The following ZNF729 variants were observed in gnomAD, a reference collection of about 807,000 sequenced individuals.
ZNF729 encodes the protein zinc finger protein 729.
Under a neutral mutation model 12.2 loss-of-function variants are expected in ZNF729, and 15 were observed. That is an observed-to-expected ratio of 1.23 (90% confidence interval 0.82 to 1.89). ZNF729 has a LOEUF of 1.89. Among genes scored for constraint, ZNF729 ranks in the 40% most tolerant of loss-of-function variants. The pLI, the probability that ZNF729 is intolerant of heterozygous loss-of-function variation, is 0.00. For missense variants in ZNF729, 1,540 were observed against 1,456.7 expected (o/e 1.06, Z -0.93); for synonymous variants, 492 against 476.3 (o/e 1.03, Z -0.43).
chr19:22,297,718 G>C (rs955737988), intron 1 of ZNF729, among the ~76,000 whole-genome samples: 9 of 151,502 alleles, frequency 5.9e-5, no homozygotes, highest in Non-Finnish European at 8.8e-5. Context: ...TTAAGAACAC[G>C]TAAGGCTGGG....
chr19:22,304,846 A>G (rs1341977256), intron 3 of ZNF729, 63 bp downstream of exon 3: 60 of 1,509,210 alleles, frequency 4.0e-5, no homozygotes, highest in Non-Finnish European at 1.2e-5. Context: ...GGAGAAAGCC[A>G]GTTCTCAAAA....
In ZNF729 at chr19:22,310,410, A is replaced by T. The variant is rs1196406279; in HGVS notation, c.254-3261A>T. On this transcript the variant is annotated intron_variant, in intron 3 of 3. Coordinates refer to ENST00000601693, the MANE Select transcript of ZNF729 (RefSeq NM_001242680.2). ...ATTTTGCTAAGAGTTTTAATCATAA[A>T]GGGATGTTGGATTTTGTTGAATACT... Among the ~76,000 whole-genome samples the T allele has an allele frequency of 3.3e-5, 5 of 152,110 alleles. 1 individual carries two copies. The highest frequency in any genetic ancestry group is 3.3e-4 in the Admixed American group (5 of 15,256).
chr19:22,301,776 C>A (rs1431613055), intron 1 of ZNF729, among the ~76,000 whole-genome samples: 1 of 152,308 alleles, frequency 6.6e-6, no homozygotes, highest in Non-Finnish European at 1.5e-5. Context: ...ATCAAGGCCA[C>A]AGAGTAACCA....
In ZNF729 at chr19:22,315,761, GC is replaced by G. The variant is rs750228617; in HGVS notation, c.2347del (p.Met784Ter). The G allele has an allele frequency of 3.3e-4, 530 of 1,607,870 alleles. 3 individuals carry two copies. Among genetic ancestry groups the G allele is most frequent in the Non-Finnish European group, 3.5e-4 (415 of 1,178,884 alleles). ...ECVKAFNSFS[A>X]LMKHKVIHTG... ...TGTCAAAGCTTTTAACAGTTTCTCA[GC>G]CCTTATGAAACATAAGGTAATTCAT... On this transcript the variant is annotated frameshift_variant, in exon 4 of 4. Coordinates refer to ENST00000601693, the MANE Select transcript of ZNF729 (RefSeq NM_001242680.2). LOFTEE classifies it low-confidence loss of function (END_TRUNC).
At chr19:22,297,164 AG>A (rs1968238885) in intron 1 of ZNF729, among the ~76,000 whole-genome samples, 1 of 152,180 alleles carries the variant, frequency 6.6e-6, no homozygotes, top group African/African-American at 2.4e-5. Context: ...TCTGTCTAAT[AG>A]TATCTGTGAG....
chr19:22,308,962 T>C (rs1307550391), intron 3 of ZNF729, among the ~76,000 whole-genome samples: 1 of 152,212 alleles, frequency 6.6e-6, no homozygotes, highest in South Asian at 2.1e-4. Flanking sequence ...TGGGTTCTTG[T>C]ATATGAAATC....
chr19:22,303,789 A>T lies in ZNF729; in HGVS notation c.62A>T (p.Glu21Val). 6.4e-7 allele frequency: 1 copy of T among 1,573,808 alleles called. No individual in the cohort carries two copies. Among genetic ancestry groups the T allele is most frequent in the Non-Finnish European group, 8.7e-7 (1 of 1,154,898 alleles). ...TTGACATTTAGAGATGTGACCATAG[A>T]ATTCTCTCTGGAGGAGTGGCAATGC... ...GPLTFRDVTI[E>V]FSLEEWQCLD... The change falls in exon 2 of 4, where the codon GAA becomes GTA. Residue 21 changes from glutamate (E) to valine (V), a missense_variant. Physicochemically the swap from Glu to Val is moderately radical, Grantham distance 121. Transcript: ENST00000601693.
At chr19:22,291,214 GGGT>G (rs1473186289) in intron 1 of ZNF729, among the ~76,000 whole-genome samples, 1 of 152,094 alleles carries the variant, frequency 6.6e-6, no homozygotes, top group Non-Finnish European at 1.5e-5. Flanking sequence ...ATGGATCTCT[GGGT>G]GTCTGGGAAT....
In ZNF729 at chr19:22,315,466, G is replaced by A. The variant is rs199959947; in HGVS notation, c.2049G>A (p.Pro683=). The A allele has an allele frequency of 1.6e-4, 251 of 1,604,044 alleles. 1 individual carries two copies. The highest frequency in any genetic ancestry group is 1.9e-4 in the Non-Finnish European group (224 of 1,175,668). ...RHKIIHTGKK[P]YKCEECGKAF... The stretch of plus-strand genomic sequence containing the variant: ...AGATAATTCATACTGGAAAGAAACC[G>A]TACAAATGTGAAGAATGTGGCAAAG... Residue 683 remains proline (P), a synonymous_variant, in exon 4 of 4, where the codon CCG becomes CCA. Transcript: ENST00000601693.
At chr19:22,295,443 A>G (rs543662191) in intron 1 of ZNF729, among the ~76,000 whole-genome samples, 1 of 145,046 alleles carries the variant, frequency 6.9e-6, no homozygotes, top group Non-Finnish European at 1.5e-5. Context: ...GCTGGAGTGC[A>G]GTGGTGCAAT....
At chr19:22,307,657 C>T (rs1462369587) in intron 3 of ZNF729, among the ~76,000 whole-genome samples, 1 of 150,284 alleles carries the variant, frequency 6.7e-6, no homozygotes, top group Admixed American at 6.6e-5. Flanking sequence ...GCAGGAGAAT[C>T]GCTTGAACCT....
Position 22,304,697 on chromosome 19 carries a change from T to A in ZNF729, c.167T>A (p.Val56Asp). 1 of 1,612,174 alleles carries A rather than the reference T, an allele frequency of 6.2e-7. No homozygotes were observed. Among genetic ancestry groups the A allele is most frequent in the South Asian group, 1.1e-5 (1 of 90,646 alleles). Residue 56 changes from valine (V) to aspartate (D), a missense_variant, in exon 3 of 4, where the codon GTC becomes GAC. Val to Asp is a radical substitution (Grantham distance 152). Transcript: ENST00000601693. ...YRNLVFLGMA[V>D]FKPDLITCLK... ...ATTTTTAATAAAACAGGTATGGCTG[T>A]CTTTAAGCCAGACTTGATAACTTGT...
intron 1 of ZNF729, 114 bp from the exon 2 acceptor site, chr19:22,303,644 C>T: frequency 1.0e-6 from 1 of 969,348 alleles, no homozygotes; most frequent in Admixed American, 3.0e-5. Context: ...TTCGGTCATC[C>T]CTATAAGTTA....
At chr19:22,311,574 T>G (rs1251166095) in intron 3 of ZNF729, among the ~76,000 whole-genome samples, 1 of 152,200 alleles carries the variant, frequency 6.6e-6, no homozygotes, top group African/African-American at 2.4e-5. Flanking sequence ...ATAATTTCAG[T>G]TCTCTTAAAT....
chr19:22,303,446 T>C (rs1381144454), intron 1 of ZNF729, among the ~76,000 whole-genome samples: 2 of 152,232 alleles, frequency 1.3e-5, no homozygotes, highest in African/African-American at 2.4e-5. Flanking sequence ...ACAAGACTTA[T>C]TCTGTATGAT....
intron 1 of ZNF729, among the ~76,000 whole-genome samples, chr19:22,288,837 A>G (rs207477034): frequency 1.3e-5 from 2 of 152,212 alleles, no homozygotes; most frequent in Non-Finnish European, 2.9e-5. Flanking sequence ...AAAGAAAAAT[A>G]GTGCGAATCT....
At chr19:22,306,090 A>G (rs540105415) in intron 3 of ZNF729, among the ~76,000 whole-genome samples, 14 of 152,274 alleles carry the variant, frequency 9.2e-5, no homozygotes, top group African/African-American at 3.1e-4. Flanking sequence ...TCCTGGAATT[A>G]CATTTCTTTT....
At position 22,317,051 on chromosome 19, in the gene ZNF729, A is replaced by G. The variant is rs78300029; in HGVS notation, c.3634A>G (p.Arg1212Gly). ...TATTAGACATAAAACAATTCATACCAGAGAGAAACCTACAAATGTGAAGAA... is the reference window on the plus strand; with the variant it reads ...TATTAGACATAAAACAATTCATACCGGAGAGAAACCTACAAATGTGAAGAA... ...YLIRHKTIHTREKPTNVKKVP... is the reference protein window; with the variant it reads ...YLIRHKTIHTGEKPTNVKKVP... Residue 1212 changes from arginine (R) to glycine (G), a missense_variant, in exon 4 of 4, where the codon AGA becomes GGA. Arg to Gly is a moderately radical substitution (Grantham distance 125). Coordinates refer to ENST00000601693, the MANE Select transcript of ZNF729 (RefSeq NM_001242680.2). The G allele has an allele frequency of 4.6e-3, 7,467 of 1,608,380 alleles. 284 individuals are homozygous for G. The African/African-American group carries it at 0.088, about 19-fold the overall frequency.
chr19:22,316,283 ATAAT>A lies in ZNF729; in HGVS notation c.2868_2871del (p.His958LeufsTer54). 1 of 1,613,560 alleles carries A rather than the reference ATAAT, an allele frequency of 6.2e-7. No individual in the cohort carries two copies. Among genetic ancestry groups the A allele is most frequent in the Non-Finnish European group, 8.5e-7 (1 of 1,179,716 alleles). On this transcript the variant is annotated frameshift_variant, in exon 4 of 4. Transcript: ENST00000601693. LOFTEE classifies it low-confidence loss of function (END_TRUNC). ...TTCCTCAACCCTTATGAAGCATAAG[ATAAT>A]TCATACTGGGAAGAAACCATACAAA...
Sources: gnomAD v4.1 joint callset for allele counts (sites outside exome capture counted in the v4.1 genomes callset) on GRCh38, gnomAD v4.1.1 for gene constraint, MANE v1.5 for transcripts, NCBI Gene and HGNC (gene_info 2026-07-23, HGNC 2026-07-21) for gene names.